CD36: variants seen among roughly 807,000 people sequenced by gnomAD.
CD36 encodes the protein platelet glycoprotein 4.
In CD36, 119 loss-of-function variants were observed where a neutral mutation model predicts 55.2. The observed-to-expected ratio is 2.15, with a 90% CI of 1.86 to 2.51. CD36 has a LOEUF of 2.51. CD36 is among the 30% of genes most tolerant of loss of function. The pLI is 0.00. For synonymous variants in CD36, 186 were observed against 193.6 expected, an observed-to-expected ratio of 0.96 and a Z score of 0.33; for missense variants, 819 against 555.5, an observed-to-expected ratio of 1.47 and a Z score of -4.77.
chr7:80,616,016 T>C (rs1199771444), intron 1 of CD36, among the ~76,000 whole-genome samples: 1 of 152,210 alleles, frequency 6.6e-6, no homozygotes, highest in Non-Finnish European at 1.5e-5. Flanking sequence ...TTTCTTCCTT[T>C]AAAGAAATCT....
chr7:80,678,324 G>T lies in CD36; in HGVS notation c.*1941G>T, dbSNP rs1798225476. On this transcript the variant is annotated 3_prime_UTR_variant, in exon 15 of 15. Coordinates refer to ENST00000447544, the MANE Select transcript of CD36 (RefSeq NM_001001548.3). Reference sequence around the variant, plus strand: ...TTTCCAAAGCTGGTTATTAACCACAGAATTATAGCAGGTATTCATAACTTA... The same window carrying T: ...TTTCCAAAGCTGGTTATTAACCACATAATTATAGCAGGTATTCATAACTTA... The T allele has an allele frequency of 6.6e-6, 1 of 152,124 alleles. No individual in the cohort carries two copies. The highest frequency in any genetic ancestry group is 1.5e-5 in the Non-Finnish European group (1 of 68,020). 9.4% of individuals were successfully genotyped at this position (152,124 alleles called of 1,614,324 possible). A position where few individuals can be genotyped will look rare whatever the true frequency, so the allele number is the denominator to read the frequency against.
At chr7:80,629,155 A>T (rs1369950731) in intron 1 of CD36, among the ~76,000 whole-genome samples, 5 of 151,822 alleles carry the variant, frequency 3.3e-5, no homozygotes, top group Non-Finnish European at 5.9e-5. Flanking sequence ...CAGTGTTAGC[A>T]CTCTTCCGGC....
chr7:80,616,659 A>T (rs1035648226), intron 1 of CD36, among the ~76,000 whole-genome samples: 14 of 152,158 alleles, frequency 9.2e-5, no homozygotes, highest in African/African-American at 3.1e-4. Context: ...CAAAAGAAGC[A>T]GTTTCTTGGG....
intron 8 of CD36, among the ~76,000 whole-genome samples, chr7:80,668,472 T>C (rs145971992): frequency 1.4e-4 from 22 of 152,336 alleles, no homozygotes; most frequent in African/African-American, 4.6e-4. Flanking sequence ...GCATCCTCTT[T>C]ACCTTCTTCA....
At chr7:80,623,503 T>TAATA (rs3044666) in intron 1 of CD36, among the ~76,000 whole-genome samples, 147,307 of 152,168 alleles carry the variant, frequency 0.97, 71,334 homozygotes, top group East Asian at 1. Flanking sequence ...ATACTGTAAT[T>TAATA]CTTATTTTTA....
chr7:80,655,913 C>A (rs1796011362), intron 3 of CD36, among the ~76,000 whole-genome samples: 1 of 144,720 alleles, frequency 6.9e-6, no homozygotes, highest in Non-Finnish European at 1.5e-5. Flanking sequence ...AGAGCAATAT[C>A]TTGTCTCAAA....
At chr7:80,625,670 G>A (rs1376615183) in intron 1 of CD36, among the ~76,000 whole-genome samples, 2 of 152,078 alleles carry the variant, frequency 1.3e-5, no homozygotes, top group Middle Eastern at 3.4e-3. Context: ...AATTACCCAC[G>A]TTACCTATGC....
intron 1 of CD36, among the ~76,000 whole-genome samples, chr7:80,617,970 G>T (rs995035965): frequency 2.6e-5 from 4 of 152,054 alleles, no homozygotes; most frequent in Non-Finnish European, 5.9e-5. Flanking sequence ...TTCCATTTAT[G>T]TAAAGATGAT....
At chr7:80,620,500 G>A (rs1302586905) in intron 1 of CD36, among the ~76,000 whole-genome samples, 3 of 152,170 alleles carry the variant, frequency 2.0e-5, no homozygotes, top group South Asian at 4.1e-4. Flanking sequence ...GGGAAGGTGT[G>A]TGGAGCTTCC....
At chr7:80,610,648 C>T (rs1338371486) in intron 1 of CD36, among the ~76,000 whole-genome samples, 1 of 152,022 alleles carries the variant, frequency 6.6e-6, no homozygotes, top group Non-Finnish European at 1.5e-5. Context: ...GATCTCGGCT[C>T]ACTGCAACCT....
In CD36 at chr7:80,672,021, C is replaced by G. The variant is rs759002665; in HGVS notation, c.1106C>G (p.Thr369Arg). The change falls in exon 11 of 15, where the codon ACA (threonine) becomes AGA (arginine). Residue 369 changes from threonine to arginine, a missense_variant. By Grantham distance (71) the Thr-to-Arg change is moderately conservative. Transcript: ENST00000447544. ...GLNPNEEEHR[T>R]YLDIEPITGF... ...AACCCAAATGAAGAAGAACATAGGA[C>G]ATACTTGGATATTGAACCTGTAAGA... The G allele has an allele frequency of 3.7e-6, 6 of 1,607,250 alleles. No individual in the cohort carries two copies. Among genetic ancestry groups the G allele is most frequent in the Non-Finnish European group, 2.6e-6 (3 of 1,174,974 alleles).
upstream of CD36, among the ~76,000 whole-genome samples, chr7:80,636,177 G>C (rs998528485): frequency 1.3e-5 from 2 of 152,128 alleles, no homozygotes; most frequent in African/African-American, 4.8e-5. Context: ...AGAACGGAGA[G>C]GGGAGGAGGC....
chr7:80,631,012 C>T (rs1457130399), intron 1 of CD36, among the ~76,000 whole-genome samples: 2 of 152,018 alleles, frequency 1.3e-5, no homozygotes, highest in Admixed American at 6.6e-5. Flanking sequence ...CATAACACAG[C>T]TGAGAGACCT....
intron 3 of CD36, among the ~76,000 whole-genome samples, chr7:80,654,161 C>A (rs573766710): frequency 2.2e-4 from 33 of 152,216 alleles, no homozygotes; most frequent in African/African-American, 7.7e-4. Flanking sequence ...GTCTCATACA[C>A]GTACAATGTC....
chr7:80,653,198 C>G (rs117715513), intron 3 of CD36, among the ~76,000 whole-genome samples: 1 of 152,114 alleles, frequency 6.6e-6, no homozygotes, highest in African/African-American at 2.4e-5. Flanking sequence ...AAATCTAACT[C>G]GTAGATTAAA....
intron 7 of CD36, 105 bp downstream of exon 7, chr7:80,664,602 G>T: frequency 1.3e-6 from 1 of 753,904 alleles, no homozygotes; most frequent in Non-Finnish European, 2.4e-6. Context: ...CTATAGAACA[G>T]ACCTGGTTAT....
At chr7:80,615,411 C>A (rs1793094853) in intron 1 of CD36, among the ~76,000 whole-genome samples, 1 of 152,158 alleles carries the variant, frequency 6.6e-6, no homozygotes. Context: ...TCCCTGAAAA[C>A]CATTTTTGTA....
intron 1 of CD36, chr7:80,626,046 T>C (rs1793721387): frequency 6.6e-6 from 1 of 152,082 alleles, no homozygotes; most frequent in Admixed American, 6.6e-5. Flanking sequence ...TTGAGTTTGG[T>C]AGCACAAATT....
In CD36 at chr7:80,678,969, G is replaced by C. The variant is rs536839943; in HGVS notation, c.*2586G>C. ...AACTGACATTTCAGTTTTTCTGTTT[G>C]AAGTCCAATGTATTAGTGACTCTGT... On this transcript the variant is annotated 3_prime_UTR_variant, in exon 15 of 15. Coordinates refer to ENST00000447544, the MANE Select transcript of CD36 (RefSeq NM_001001548.3). The C allele has an allele frequency of 1.2e-4, 18 of 152,248 alleles. No individual in the cohort carries two copies. Among genetic ancestry groups the C allele is most frequent in the African/African-American group, 4.3e-4 (18 of 41,548 alleles). The allele number at this position is 152,248 out of a possible 1,614,324, so 9.4% of individuals were successfully genotyped here.
Sources: gnomAD v4.1 joint callset for allele counts (sites outside exome capture counted in the v4.1 genomes callset) on GRCh38, gnomAD v4.1.1 for gene constraint, MANE v1.5 for transcripts, NCBI Gene and HGNC (gene_info 2026-07-23, HGNC 2026-07-21) for gene names.